The following MEGF11 variants were observed in gnomAD, a reference collection of about 807,000 sequenced individuals.
MEGF11 encodes multiple EGF like domains 11, also known as multiple epidermal growth factor-like domains protein 11.
Under a neutral mutation model 146.6 loss-of-function variants are expected in MEGF11, and 126 were observed. The ratio of observed to expected loss-of-function variants is 0.86; its 90% confidence interval spans 0.74 to 1.00. The LOEUF (loss-of-function observed/expected upper bound fraction) is 1.00. MEGF11 is among the 50% of genes least tolerant of loss of function. MEGF11 has a pLI of 0.00. For missense variants in MEGF11, 1,509 were observed against 1,521.2 expected (o/e 0.99, Z 0.13); for synonymous variants, 532 against 583.4 (o/e 0.91, Z 1.27).
chr15:66,221,488 C>T (rs1009883414), intron 1 of MEGF11, among the ~76,000 whole-genome samples: 1 of 151,946 alleles, frequency 6.6e-6, no homozygotes, highest in Non-Finnish European at 1.5e-5. Flanking sequence ...CAGAGGACCT[C>T]GTTCACCCTT....
rs149531552 is a variant in MEGF11, at chr15:66,069,350, G to A, written c.394+25052C>T. Reference sequence around the variant, plus strand: ...ATGGGCAGGTGCCCGTACCTGCCATGAAGCAAGGAATAGGAATTTGCCATG... The same window carrying A: ...ATGGGCAGGTGCCCGTACCTGCCATAAAGCAAGGAATAGGAATTTGCCATG... On this transcript the variant is annotated intron_variant, in intron 5 of 25. Coordinates refer to ENST00000395614, the MANE Select transcript of MEGF11 (RefSeq NM_001385028.1). Among the ~76,000 whole-genome samples, 948 of 152,346 alleles carry A rather than the reference G, an allele frequency of 6.2e-3. 4 individuals are homozygous for A. The highest frequency in any genetic ancestry group is 0.011 in the Non-Finnish European group (729 of 68,028).
At chr15:66,163,507 G>A (rs74597156) in intron 1 of MEGF11, among the ~76,000 whole-genome samples, 3,222 of 152,292 alleles carry the variant, frequency 0.021, 119 homozygotes, top group African/African-American at 0.074. Context: ...GTCACACCAG[G>A]TGACCTTTAT....
chr15:65,957,515 A>G (rs769267380), intron 10 of MEGF11, 32 bp downstream of exon 10: 1 of 1,601,824 alleles, frequency 6.2e-7, no homozygotes, highest in Non-Finnish European at 8.5e-7. Flanking sequence ...GGTGGAGGTC[A>G]GGAAGGCCAC....
chr15:66,125,029 C>A (rs2088267259), intron 2 of MEGF11, among the ~76,000 whole-genome samples: 1 of 152,240 alleles, frequency 6.6e-6, no homozygotes, highest in African/African-American at 2.4e-5. Flanking sequence ...GAGGAAACTG[C>A]ATTGGTTACC....
chr15:66,209,401 C>T (rs549803645), intron 1 of MEGF11, among the ~76,000 whole-genome samples: 16 of 151,830 alleles, frequency 1.1e-4, no homozygotes, highest in African/African-American at 1.9e-4. Context: ...TGAGCAATTA[C>T]GCTCCTCAGC....
At chr15:66,240,445 C>A (rs574448494) in intron 1 of MEGF11, among the ~76,000 whole-genome samples, 18 of 152,316 alleles carry the variant, frequency 1.2e-4, no homozygotes, top group Admixed American at 7.2e-4. Context: ...GCCTGTCACG[C>A]GTCTGAGGTG....
intron 5 of MEGF11, among the ~76,000 whole-genome samples, chr15:65,990,986 G>A (rs7168454): frequency 0.021 from 3,167 of 152,286 alleles, 123 homozygotes; most frequent in African/African-American, 0.073. Context: ...AATAGACCAA[G>A]GTAGATTAAA....
chr15:65,992,451 G>GTGTGTGT (rs772342790), intron 5 of MEGF11, among the ~76,000 whole-genome samples: 2 of 17,902 alleles, frequency 1.1e-4, no homozygotes, highest in Non-Finnish European at 1.6e-4. Context: ...GTGTGTGTGT[G>GTGTGTGT]GGGGGGGGGG....
chr15:65,911,713 C>T (rs1296521500), intron 21 of MEGF11, among the ~76,000 whole-genome samples: 1 of 152,150 alleles, frequency 6.6e-6, no homozygotes, highest in Non-Finnish European at 1.5e-5. Flanking sequence ...GCCCAGCCTA[C>T]AAGGTGGTCT....
At chr15:66,218,358 G>A (rs1267738694) in intron 1 of MEGF11, among the ~76,000 whole-genome samples, 1 of 152,188 alleles carries the variant, frequency 6.6e-6, no homozygotes, top group African/African-American at 2.4e-5. Flanking sequence ...GCATGCCAGG[G>A]CAGGGCTCAT....
chr15:65,898,605 G>A (rs751693944), intron 25 of MEGF11, 123 bp downstream of exon 25: 1 of 1,486,876 alleles, frequency 6.7e-7, no homozygotes, highest in Non-Finnish European at 8.9e-7. Context: ...CCTTAGAGAT[G>A]CCTTTAAAAG....
intron 5 of MEGF11, among the ~76,000 whole-genome samples, chr15:66,028,215 G>A (rs1247079581): frequency 3.9e-5 from 6 of 152,154 alleles, no homozygotes; most frequent in Non-Finnish European, 8.8e-5. Context: ...TCTTATCTCT[G>A]CAGCCCCTGC....
At chr15:66,140,951 G>A (rs1199104721) in intron 1 of MEGF11, among the ~76,000 whole-genome samples, 2 of 152,158 alleles carry the variant, frequency 1.3e-5, no homozygotes, top group Non-Finnish European at 2.9e-5. Context: ...TGTAGACTCG[G>A]TTGAACATTG....
intron 1 of MEGF11, among the ~76,000 whole-genome samples, chr15:66,199,052 C>A (rs1288139762): frequency 2.0e-5 from 3 of 152,180 alleles, no homozygotes; most frequent in Non-Finnish European, 4.4e-5. Flanking sequence ...GGCCCTACAA[C>A]CTCTTCCTGG....
chr15:66,038,705 A>T (rs2083824479), intron 5 of MEGF11, among the ~76,000 whole-genome samples: 1 of 152,102 alleles, frequency 6.6e-6, no homozygotes, highest in South Asian at 2.1e-4. Flanking sequence ...TATGAAACAG[A>T]TACCAGGCTG....
intron 1 of MEGF11, among the ~76,000 whole-genome samples, chr15:66,191,542 C>T (rs931378205): frequency 1.6e-4 from 24 of 152,182 alleles, no homozygotes; most frequent in Non-Finnish European, 2.5e-4. Flanking sequence ...AGCACTGAGG[C>T]AGTGCCAATG....
At chr15:66,045,260 C>T (rs989576314) in intron 5 of MEGF11, among the ~76,000 whole-genome samples, 3 of 152,184 alleles carry the variant, frequency 2.0e-5, no homozygotes, top group African/African-American at 7.2e-5. Context: ...CAGGACAGAG[C>T]CTCTCATACC....
At chr15:65,978,674 G>T (rs566795013) in intron 7 of MEGF11, among the ~76,000 whole-genome samples, 1 of 152,318 alleles carries the variant, frequency 6.6e-6, no homozygotes, top group African/African-American at 2.4e-5. Flanking sequence ...TGAGGACCCA[G>T]CCTGCTGGGT....
chr15:66,166,407 C>A (rs2090098605), intron 1 of MEGF11, among the ~76,000 whole-genome samples: 1 of 152,186 alleles, frequency 6.6e-6, no homozygotes, highest in Non-Finnish European at 1.5e-5. Context: ...GGAGCACCCC[C>A]ACTGGCCTCC....
Sources: allele counts gnomAD v4.1 joint callset (sites outside exome capture counted in the v4.1 genomes callset), GRCh38; gene constraint gnomAD v4.1.1; transcripts MANE v1.5; gene names NCBI Gene and HGNC (gene_info 2026-07-23, HGNC 2026-07-21).